Variants in PARVG observed in about 807,000 individuals in gnomAD.
PARVG encodes gamma-parvin.
PARVG carries 36 observed loss-of-function variants against 44.4 expected under a neutral mutation model. That is an observed-to-expected ratio of 0.81 (90% confidence interval 0.62 to 1.07). The LOEUF (loss-of-function observed/expected upper bound fraction) is 1.07. PARVG is among the 50% of genes least tolerant of loss of function. PARVG has a pLI of 0.00. For missense variants in PARVG, 407 were observed against 407.4 expected (o/e 1.00, Z 0.01); for synonymous variants, 170 against 174.1 (o/e 0.98, Z 0.19).
chr22:44,181,558 G>T, intron 1 of PARVG, 184 bp from the exon 2 acceptor site: 2 of 578,488 alleles, frequency 3.5e-6, no homozygotes, highest in Non-Finnish European at 4.4e-6. Context: ...CAGCCTGCGG[G>T]GAAACTGGCA....
chr22:44,182,270 G>A lies in PARVG; in HGVS notation c.-13+353G>A, dbSNP rs2054393561. On this transcript the variant is annotated intron_variant, in intron 2 of 13. Coordinates refer to ENST00000444313, the MANE Select transcript of PARVG (RefSeq NM_022141.7). This position sits in a 1 kb window ranked among gnomAD's most constrained non-coding sequence, Gnocchi z 4.6. ...GGCCCTCCTTGTAACCATGCATCAG[G>A]ACCAGAGAGGGCAGGGGGTTTGCCC... Among the ~76,000 whole-genome samples the A allele has an allele frequency of 6.6e-6, 1 of 152,226 alleles. No homozygotes were observed. The highest frequency in any genetic ancestry group is 2.1e-4 in the South Asian group (1 of 4,834).
At chr22:44,198,957 T>TCCACCCACCCACCCACCCGC (rs1555918590) in intron 12 of PARVG, among the ~76,000 whole-genome samples, 1 of 69,264 alleles carries the variant, frequency 1.4e-5, no homozygotes, top group Non-Finnish European at 3.2e-5. Flanking sequence ...CATCCATCCA[T>TCCACCCACCCACCCACCCGC]CCATCCATCC....
At chr22:44,175,478 C>T (rs2054310416) in intron 1 of PARVG, among the ~76,000 whole-genome samples, 3 of 152,270 alleles carry the variant, frequency 2.0e-5, no homozygotes, top group Admixed American at 1.3e-4. Context: ...TGGGGTTGGG[C>T]AGCTCAGAAT....
intron 4 of PARVG, chr22:44,187,399 C>T (rs978602007): frequency 4.0e-5 from 11 of 276,270 alleles, no homozygotes; most frequent in Non-Finnish European, 7.0e-5. Flanking sequence ...TTTCTACTGA[C>T]CACCTCTTCA....
intron 12 of PARVG, 63 bp from the exon 13 acceptor site, chr22:44,205,694 G>T: frequency 6.3e-7 from 1 of 1,588,894 alleles, no homozygotes; most frequent in South Asian, 1.1e-5. Flanking sequence ...TGGCACTTGG[G>T]ACCCAAGGCC....
chr22:44,181,520 C>G, intron 1 of PARVG: 1 of 627,826 alleles, frequency 1.6e-6, no homozygotes. Flanking sequence ...CAGGCTCTGG[C>G]CTATGTAGCT....
At chr22:44,177,605 A>G (rs2054330664), upstream of PARVG, among the ~76,000 whole-genome samples, 1 of 152,148 alleles carries the variant, frequency 6.6e-6, no homozygotes, top group Non-Finnish European at 1.5e-5. Context: ...GGATTGATCT[A>G]GTATTTTCCT....
At position 44,182,532 on chromosome 22, in the gene PARVG, C is replaced by T. The variant is rs2054398301; in HGVS notation, c.-13+615C>T. On this transcript the variant is annotated intron_variant, in intron 2 of 13. Coordinates refer to ENST00000444313, the MANE Select transcript of PARVG (RefSeq NM_022141.7). The surrounding 1 kb of genome is among the most constrained non-coding windows in gnomAD (Gnocchi z 4.6). ...TCCAGTCGAGTGAATGCCTCCGTCT[C>T]CCACAGCTCAGGGGGCTCCCTGCTC... is the stretch of plus-strand genomic sequence containing the variant. Among the ~76,000 whole-genome samples the T allele has an allele frequency of 1.3e-5, 2 of 152,232 alleles. No individual in the cohort carries two copies. The highest frequency in any genetic ancestry group is 4.8e-5 in the African/African-American group (2 of 41,474).
chr22:44,186,957 G>A (rs375434128), intron 4 of PARVG: 2 of 294,468 alleles, frequency 6.8e-6, no homozygotes, highest in South Asian at 6.2e-5. Context: ...GAAAGGGCTG[G>A]GCCTTGATTC....
rs1399814644 is a variant in PARVG at position 44,182,434 on chromosome 22, C to T, written c.-13+517C>T. 6.6e-6 allele frequency among the ~76,000 whole-genome samples: 1 copy of T among 152,160 alleles called. No homozygotes were observed. Among genetic ancestry groups the T allele is most frequent in the African/African-American group, 2.4e-5 (1 of 41,442 alleles). ...CTGGGAGTCAGTTGTGTCCCCACCACCTCCATGCTACAGGGCAGGATGGAG... is the reference window on the plus strand; with the variant it reads ...CTGGGAGTCAGTTGTGTCCCCACCATCTCCATGCTACAGGGCAGGATGGAG... On this transcript the variant is annotated intron_variant, in intron 2 of 13. Coordinates refer to ENST00000444313, the MANE Select transcript of PARVG (RefSeq NM_022141.7). This position sits in a 1 kb window ranked among gnomAD's most constrained non-coding sequence, Gnocchi z 4.6.
chr22:44,175,150 A>G (rs114256289), intron 1 of PARVG, among the ~76,000 whole-genome samples: 5 of 152,340 alleles, frequency 3.3e-5, no homozygotes, highest in East Asian at 1.9e-4. Flanking sequence ...CTTCTGTCCC[A>G]TTCTTTCAGG....
Position 44,196,149 on chromosome 22 carries a change from C to G in PARVG, c.584-6C>G, listed in dbSNP as rs1023161294. 1 of 1,614,000 alleles carries G rather than the reference C, an allele frequency of 6.2e-7. No homozygotes were observed. The highest frequency in any genetic ancestry group is 8.5e-7 in the Non-Finnish European group (1 of 1,179,984). On this transcript the variant is annotated splice_polypyrimidine_tract_variant and splice_region_variant and intron_variant, in intron 9 of 13. Transcript: ENST00000444313. ...AATGAGGTGTTTATTGGATCTGTGTCTGCAGAGGACGTCTTTGATGAATTA... is the reference window on the plus strand; with the variant it reads ...AATGAGGTGTTTATTGGATCTGTGTGTGCAGAGGACGTCTTTGATGAATTA...
chr22:44,180,822 T>C, upstream of PARVG: 1 of 676,368 alleles, frequency 1.5e-6, no homozygotes, highest in Non-Finnish European at 1.8e-6. Flanking sequence ...GCATCCCACC[T>C]GATTTAGCCA....
Position 44,198,685 on chromosome 22 carries a change from A to G in PARVG, c.776A>G (p.Lys259Arg), listed in dbSNP as rs1206395406. 1.2e-6 allele frequency: 2 copies of G among 1,613,888 alleles called. No homozygotes were observed. The highest frequency in any genetic ancestry group is 2.2e-5 in the East Asian group (1 of 44,874). ...GQLEGFFLHL[K>R]EFYLTPNSPA... is the part of the protein sequence containing the mutation. ...CTTGAAGGCTTCTTCCTGCACTTAA[A>G]GGAATTCTACCTCACTCCCAACTCT... The change falls in exon 12 of 14, where the codon AAG becomes AGG. Residue 259 changes from lysine to arginine, a missense_variant. Coordinates refer to ENST00000444313, the MANE Select transcript of PARVG (RefSeq NM_022141.7).
At position 44,202,037 on chromosome 22, in the gene PARVG, C is replaced by G. The variant is rs571184070; in HGVS notation, c.813+3315C>G. The stretch of plus-strand genomic sequence containing the variant: ...TGCAGAATTGGGCCGATGGTGGGAT[C>G]TCCCACGGGCAGTGTGGACGAATGT... On this transcript the variant is annotated intron_variant, in intron 12 of 13. Transcript: ENST00000444313. Among the ~76,000 whole-genome samples the G allele has an allele frequency of 2.6e-5, 4 of 152,364 alleles. No individual in the cohort carries two copies. In the East Asian group the frequency reaches 7.7e-4, roughly 29 times the overall value.
intron 12 of PARVG, among the ~76,000 whole-genome samples, chr22:44,202,651 G>T (rs1230081988): frequency 6.6e-6 from 1 of 152,266 alleles, no homozygotes; most frequent in East Asian, 1.9e-4. Flanking sequence ...CTGCAGGAAT[G>T]TGTAATCAAA....
rs531965695 is a variant in PARVG at position 44,192,681 on chromosome 22, G to A, written c.560+577G>A. Among the ~76,000 whole-genome samples, 10 of 149,720 alleles carry A rather than the reference G, an allele frequency of 6.7e-5. No individual in the cohort carries two copies. In the East Asian group the frequency reaches 2.0e-3, roughly 30 times the overall value. On this transcript the variant is annotated intron_variant, in intron 8 of 13. Coordinates refer to ENST00000444313, the MANE Select transcript of PARVG (RefSeq NM_022141.7). ...CACCTGCTCCCCACCTACTGGGGTTGACCATCCTGCTCCCTGCCCACTGGG... is the reference window on the plus strand; with the variant it reads ...CACCTGCTCCCCACCTACTGGGGTTAACCATCCTGCTCCCTGCCCACTGGG...
intron 12 of PARVG, among the ~76,000 whole-genome samples, chr22:44,201,420 TGC>T (rs1446729346): frequency 3.3e-5 from 5 of 152,168 alleles, no homozygotes; most frequent in African/African-American, 1.2e-4. Flanking sequence ...GCCCGCAGCC[TGC>T]CATGTCCCTC....
chr22:44,200,100 G>A (rs1247041364), intron 12 of PARVG, among the ~76,000 whole-genome samples: 8 of 152,156 alleles, frequency 5.3e-5, no homozygotes, highest in Admixed American at 2.0e-4. Context: ...CTCCGCCCCC[G>A]CCAGGCCCCT....
Sources: gnomAD v4.1 joint callset for allele counts (sites outside exome capture counted in the v4.1 genomes callset) on GRCh38, gnomAD v4.1.1 for gene constraint, Gnocchi (gnomAD v3.1) non-coding constraint, MANE v1.5 for transcripts, NCBI Gene and HGNC (gene_info 2026-07-23, HGNC 2026-07-21) for gene names.